RPL17: variants seen among roughly 807,000 people sequenced by gnomAD.
RPL17 encodes large ribosomal subunit protein uL22.
Under a neutral mutation model 27.7 loss-of-function variants are expected in RPL17, and 2 were observed. The observed-to-expected ratio is 0.07, with a 90% confidence interval of 0.03 to 0.23. The LOEUF is 0.23. RPL17 is among the 10% of genes least tolerant of loss of function. RPL17 has a pLI of 1.00. For synonymous variants in RPL17, 76 were observed against 75.5 expected, an observed-to-expected ratio of 1.01 and a Z score of -0.03; for missense variants, 141 against 238.8, an observed-to-expected ratio of 0.59 and a Z score of 2.70.
chr18:49,491,720 A>T, intron 1 of RPL17, 136 bp from the exon 2 acceptor site: 1 of 1,138,100 alleles, frequency 8.8e-7, no homozygotes, highest in Non-Finnish European at 1.3e-6. Flanking sequence ...AAGAAATGCC[A>T]TCATCGCAGC....
intron 6 of RPL17, 104 bp downstream of exon 6, chr18:49,489,255 A>T: frequency 7.8e-7 from 1 of 1,286,152 alleles, no homozygotes; most frequent in Non-Finnish European, 1.1e-6. Flanking sequence ...GTTGCTCAGA[A>T]TAGTTTTCTT....
At chr18:49,490,171 G>A (rs1228092119) in intron 5 of RPL17, 3 of 349,930 alleles carry the variant, frequency 8.6e-6, no homozygotes, top group East Asian at 1.2e-4. Context: ...AAAGCCCCTG[G>A]TAAAGTACCT....
intron 5 of RPL17, chr18:49,490,192 A>C (rs182992869): frequency 2.5e-6 from 1 of 398,072 alleles, no homozygotes; most frequent in Non-Finnish European, 4.5e-6. Context: ...CCAGTGTAAA[A>C]AGACAGCAGA....
At chr18:49,491,938 T>G in intron 1 of RPL17, 2 of 392,958 alleles carry the variant, frequency 5.1e-6, no homozygotes, top group South Asian at 4.1e-5. Context: ...CCTCTACACC[T>G]CCTCCCTCCC....
chr18:49,491,021 C>A, intron 3 of RPL17, 94 bp from the exon 4 acceptor site: 3 of 1,569,536 alleles, frequency 1.9e-6, no homozygotes, highest in South Asian at 2.3e-5. Flanking sequence ...TTCAAAATGT[C>A]GAGTTATTTC....
chr18:49,490,243 A>G, intron 5 of RPL17: 1 of 548,762 alleles, frequency 1.8e-6, no homozygotes, highest in Non-Finnish European at 3.2e-6. Flanking sequence ...GAGACCACAG[A>G]GCACGCTTCT....
chr18:49,490,258 C>T, intron 5 of RPL17, 196 bp downstream of exon 5: 1 of 581,672 alleles, frequency 1.7e-6, no homozygotes, highest in Admixed American at 3.2e-5. Flanking sequence ...GCTTCTGGAT[C>T]TTCACAGAAT....
rs747825273 is a variant in RPL17 at position 49,489,343 on chromosome 18, G to A, written c.507+16C>T. 20 of 1,613,490 alleles carry A rather than the reference G, an allele frequency of 1.2e-5. No homozygotes were observed. Among genetic ancestry groups the A allele is most frequent in the East Asian group, 4.5e-5 (2 of 44,890 alleles). Reference sequence around the variant, plus strand: ...TTTCTACTATCACAAACAAAACCGAGCAACTACTTATTTACCTTTTTCTTC... The same window carrying A: ...TTTCTACTATCACAAACAAAACCGAACAACTACTTATTTACCTTTTTCTTC... On this transcript the variant is annotated intron_variant, in intron 6 of 6. Transcript: ENST00000580261.
At chr18:49,491,350 A>T (rs1300074296) in intron 3 of RPL17, 55 bp downstream of exon 3, 2 of 1,612,880 alleles carry the variant, frequency 1.2e-6, no homozygotes, top group Non-Finnish European at 1.7e-6. Flanking sequence ...CACTGCAGCT[A>T]CCTTTTTTGA....
Position 49,489,559 on chromosome 18 carries a change from G to C in RPL17, c.316-9C>G. ...GAATCTACATCTAAACCCTGGGGAA[G>C]AAAGGAAGGAGAATGAAACCAGGAA... On this transcript the variant is annotated splice_polypyrimidine_tract_variant and intron_variant, in intron 5 of 6. Coordinates refer to ENST00000580261, the MANE Select transcript of RPL17 (RefSeq NM_001035006.5). 6.3e-7 allele frequency: 1 copy of C among 1,599,276 alleles called. No individual in the cohort carries two copies. Among genetic ancestry groups the C allele is most frequent in the South Asian group, 1.1e-5 (1 of 91,022 alleles).
intron 1 of RPL17, 106 bp downstream of exon 1, chr18:49,492,352 C>T (rs151192404): frequency 6.6e-6 from 1 of 152,638 alleles, no homozygotes; most frequent in Non-Finnish European, 1.5e-5. Flanking sequence ...TTTAGTAGCC[C>T]TAGGAGTTCT....
intron 3 of RPL17, 125 bp downstream of exon 3, chr18:49,491,280 G>A (rs373387561): frequency 1.4e-6 from 2 of 1,417,474 alleles, no homozygotes; most frequent in South Asian, 1.2e-5. Flanking sequence ...TAAATATAAG[G>A]TGGCTGCTCA....
chr18:49,492,006 A>T (rs2084138118), intron 1 of RPL17: 1 of 353,574 alleles, frequency 2.8e-6, no homozygotes. Flanking sequence ...GTCTCTCTCA[A>T]CACCTTCGGG....
intron 4 of RPL17, 63 bp from the exon 5 acceptor site, chr18:49,490,615 G>T: frequency 1.2e-6 from 2 of 1,607,354 alleles, no homozygotes; most frequent in Admixed American, 1.7e-5. Context: ...CAGCCAAGAT[G>T]AATTTATCTG....
At position 49,489,140 on chromosome 18, in the gene RPL17, A is replaced by G. The variant is rs2083875838; in HGVS notation, c.507+219T>C. The G allele has an allele frequency of 1.3e-5, 6 of 463,508 alleles. No homozygotes were observed. The South Asian group carries it at 1.3e-4, about 10-fold the overall frequency. 28.7% of individuals were successfully genotyped at this position (463,508 alleles called of 1,614,324 possible). A position where few individuals can be genotyped will look rare whatever the true frequency, so the allele number is the denominator to read the frequency against. The stretch of plus-strand genomic sequence containing the variant: ...ATGGTCTCGATCTCCTGACCTTGTG[A>G]TCCACCCACCTCAGCCTCCCAAAGT... On this transcript the variant is annotated intron_variant, in intron 6 of 6. Coordinates refer to ENST00000580261, the MANE Select transcript of RPL17 (RefSeq NM_001035006.5).
rs1041731931 is a variant in RPL17 at position 49,488,598 on chromosome 18, G to T, written c.508-32C>A. ...AAAGAAAAATGTGTTAAGTTTCTTA[G>T]AGAAAACCACAGTACATCTTGGAGG... On this transcript the variant is annotated intron_variant, in intron 6 of 6. Coordinates refer to ENST00000580261, the MANE Select transcript of RPL17 (RefSeq NM_001035006.5). 3.7e-6 allele frequency: 5 copies of T among 1,345,770 alleles called. No individual in the cohort carries two copies. In the East Asian group the frequency reaches 9.2e-5, roughly 25 times the overall value. 83.4% of individuals were successfully genotyped at this position (1,345,770 alleles called of 1,614,324 possible).
intron 1 of RPL17, 90 bp from the exon 2 acceptor site, chr18:49,491,674 GAGT>G (rs764477974): frequency 4.7e-6 from 7 of 1,479,452 alleles, no homozygotes; most frequent in Non-Finnish European, 4.7e-6. Flanking sequence ...GCTGCTCAGA[GAGT>G]AGTTGTTTTC....
At chr18:49,492,177 G>A (rs1479745945) in intron 1 of RPL17, 2 of 154,992 alleles carry the variant, frequency 1.3e-5, no homozygotes, top group Admixed American at 6.3e-5. Flanking sequence ...CAGGCGGCCC[G>A]CACCCCACGG....
rs978860400 is a variant in RPL17, at chr18:49,491,164, A to G, written c.82-237T>C. 7 of 891,964 alleles carry G rather than the reference A, an allele frequency of 7.8e-6. No individual in the cohort carries two copies. The African/African-American group carries it at 1.0e-4, about 13-fold the overall frequency. The allele number at this position is 891,964 out of a possible 1,614,324, so 55.3% of individuals were successfully genotyped here. ...TAAATTCCATCATCATGTAATTACAATTAAAATGCCCCATCTTGATCTGCA... is the reference window on the plus strand; with the variant it reads ...TAAATTCCATCATCATGTAATTACAGTTAAAATGCCCCATCTTGATCTGCA... On this transcript the variant is annotated intron_variant, in intron 3 of 6. Coordinates refer to ENST00000580261, the MANE Select transcript of RPL17 (RefSeq NM_001035006.5).
Sources: gnomAD v4.1 joint callset for allele counts on GRCh38, gnomAD v4.1.1 for gene constraint, MANE v1.5 for transcripts, NCBI Gene and HGNC (gene_info 2026-07-23, HGNC 2026-07-21) for gene names.